Variants in PCSK5 observed in about 807,000 individuals in gnomAD.
The protein encoded by PCSK5 is proprotein convertase subtilisin/kexin type 5, also known as prohormone convertase 5.
In PCSK5, 129 loss-of-function variants were observed where a neutral mutation model predicts 233.2. That is an observed-to-expected ratio of 0.55 (90% CI 0.48 to 0.64). The LOEUF is 0.64. Ranked by LOEUF, PCSK5 falls within the 30% of genes least tolerant of loss-of-function variation. The probability of loss-of-function intolerance (pLI) is 0.00; values close to 1 mark genes in which losing one functional copy is unlikely to be tolerated. For missense variants in PCSK5, 2,076 were observed against 2,430.1 expected (o/e 0.85, Z 3.06); for synonymous variants, 825 against 879.2 (o/e 0.94, Z 1.09).
intron 14 of PCSK5, among the ~76,000 whole-genome samples, chr9:76,177,166 C>A (rs556997568): frequency 7.9e-5 from 12 of 152,084 alleles, no homozygotes; most frequent in African/African-American, 2.9e-4. Context: ...TGGTGGCACG[C>A]ACCTGTAATC....
intron 5 of PCSK5, among the ~76,000 whole-genome samples, chr9:76,053,936 C>A (rs1303731828): frequency 2.0e-5 from 3 of 152,082 alleles, no homozygotes. Context: ...AAGACATACT[C>A]GAGATTGGGT....
chr9:75,909,598 G>A (rs1195486293), intron 1 of PCSK5, among the ~76,000 whole-genome samples: 2 of 152,176 alleles, frequency 1.3e-5, no homozygotes. Context: ...GGGAGGCTGA[G>A]GCAGGAGAAT....
At chr9:76,261,665 T>A (rs556331293) in intron 24 of PCSK5, among the ~76,000 whole-genome samples, 8 of 152,300 alleles carry the variant, frequency 5.3e-5, no homozygotes, top group African/African-American at 1.7e-4. Context: ...ATTTGTTTGT[T>A]TCCTCTTTTA....
At chr9:75,996,456 T>A (rs1211729512) in intron 3 of PCSK5, among the ~76,000 whole-genome samples, 1 of 152,216 alleles carries the variant, frequency 6.6e-6, no homozygotes, top group Non-Finnish European at 1.5e-5. Context: ...ATGGCAGAAC[T>A]GTAATTGGTA....
chr9:76,071,704 A>G (rs753375697), intron 6 of PCSK5, 22 bp from the exon 7 acceptor site: 2 of 1,598,898 alleles, frequency 1.3e-6, no homozygotes, highest in East Asian at 2.2e-5. Context: ...GTAATGAGCT[A>G]GTTCTCCTTT....
intron 13 of PCSK5, among the ~76,000 whole-genome samples, chr9:76,171,321 C>G (rs1823321244): frequency 6.6e-6 from 1 of 152,146 alleles, no homozygotes; most frequent in South Asian, 2.1e-4. Context: ...GGGCTGTGAT[C>G]CATTAGCAGG....
At chr9:75,897,104 G>T (rs935087278) in intron 1 of PCSK5, among the ~76,000 whole-genome samples, 3 of 152,082 alleles carry the variant, frequency 2.0e-5, no homozygotes, top group East Asian at 3.8e-4. Flanking sequence ...ACCTCATAGA[G>T]TTGCTGTGAA....
At chr9:75,900,801 A>T (rs11144672) in intron 1 of PCSK5, among the ~76,000 whole-genome samples, 6,369 of 150,198 alleles carry the variant, frequency 0.042, 413 homozygotes, top group East Asian at 0.26. Flanking sequence ...AAGATAAATG[A>T]TGTAGTCATC....
Position 75,891,489 on chromosome 9 carries a change from A to G in PCSK5, c.192+116A>G. ...GATGTGCTCTAGCAGCTGTTGCCCT[A>G]ACTCTTGGGCGATGCTCTGTCTCCT... On this transcript the variant is annotated intron_variant, in intron 1 of 37. Coordinates refer to ENST00000674117, the MANE Select transcript of PCSK5 (RefSeq NM_001372043.1). The G allele has an allele frequency of 3.6e-6, 3 of 831,872 alleles. No homozygotes were observed. The East Asian group carries it at 9.2e-5, about 26-fold the overall frequency. The allele number at this position is 831,872 out of a possible 1,614,324, so 51.5% of individuals were successfully genotyped here.
chr9:76,357,261 C>G (rs995742813), intron 37 of PCSK5, among the ~76,000 whole-genome samples: 1 of 152,188 alleles, frequency 6.6e-6, no homozygotes, highest in Non-Finnish European at 1.5e-5. Flanking sequence ...GATGTGGTGG[C>G]TCATGCCCCA....
intron 2 of PCSK5, among the ~76,000 whole-genome samples, chr9:75,982,278 A>T (rs1029016682): frequency 1.3e-5 from 2 of 152,144 alleles, no homozygotes; most frequent in African/African-American, 4.8e-5. Flanking sequence ...TCTTACTGGC[A>T]GTGTTTTAGT....
intron 20 of PCSK5, chr9:76,209,604 C>T (rs943688670): frequency 5.9e-6 from 3 of 505,358 alleles, no homozygotes; most frequent in Middle Eastern, 6.5e-4. Flanking sequence ...TCCCTAACGT[C>T]CAATAGTCAA....
At chr9:76,072,287 T>A (rs532146976) in intron 7 of PCSK5, among the ~76,000 whole-genome samples, 1 of 152,334 alleles carries the variant, frequency 6.6e-6, no homozygotes, top group Admixed American at 6.5e-5. Context: ...CTCCCTTTTT[T>A]AATACTTTCC....
chr9:76,321,344 C>T lies in PCSK5; in HGVS notation c.3885-78C>T, dbSNP rs546150610. 1.1e-4 allele frequency: 86 copies of T among 784,076 alleles called. No homozygotes were observed. The South Asian group carries it at 1.1e-3, about 10-fold the overall frequency. 48.6% of individuals were successfully genotyped at this position (784,076 alleles called of 1,614,324 possible). A position where few individuals can be genotyped will look rare whatever the true frequency, so the allele number is the denominator to read the frequency against. Reference sequence around the variant, plus strand: ...AGCAGCAGCCCTTTTGTTTTTAGACCTAATTCCTTTTCCCCAGGAATGAGT... The same window carrying T: ...AGCAGCAGCCCTTTTGTTTTTAGACTTAATTCCTTTTCCCCAGGAATGAGT... On this transcript the variant is annotated intron_variant, in intron 30 of 37. Transcript: ENST00000674117.
chr9:75,939,459 T>C (rs1824203656), intron 2 of PCSK5, among the ~76,000 whole-genome samples: 1 of 152,244 alleles, frequency 6.6e-6, no homozygotes, highest in Non-Finnish European at 1.5e-5. Context: ...AGTCTGTTTA[T>C]AAATTTTGGT....
chr9:75,944,675 C>G (rs1430630442), intron 2 of PCSK5, among the ~76,000 whole-genome samples: 1 of 152,124 alleles, frequency 6.6e-6, no homozygotes, highest in Admixed American at 6.6e-5. Flanking sequence ...TCAGTCAGCT[C>G]TGTTCTTTTC....
intron 5 of PCSK5, among the ~76,000 whole-genome samples, chr9:76,064,407 G>A (rs1344792027): frequency 6.8e-5 from 9 of 132,378 alleles, no homozygotes; most frequent in Non-Finnish European, 1.3e-4. Flanking sequence ...CCAGGCGGGG[G>A]GCTGACCCCC....
chr9:75,914,342 G>C (rs1025180452), intron 1 of PCSK5, among the ~76,000 whole-genome samples: 1 of 152,084 alleles, frequency 6.6e-6, no homozygotes, highest in Non-Finnish European at 1.5e-5. Context: ...GTCAGATTTG[G>C]TTGTTACTTA....
At chr9:76,272,318 C>T (rs1167061599) in intron 24 of PCSK5, among the ~76,000 whole-genome samples, 1 of 152,178 alleles carries the variant, frequency 6.6e-6, no homozygotes, top group Non-Finnish European at 1.5e-5. Flanking sequence ...CCCCCAGATA[C>T]CACATCAGTC....
Sources: allele counts gnomAD v4.1 joint callset (sites outside exome capture counted in the v4.1 genomes callset), GRCh38; gene constraint gnomAD v4.1.1; transcripts MANE v1.5; gene names NCBI Gene and HGNC (gene_info 2026-07-23, HGNC 2026-07-21).